SLC1A3: variants seen among roughly 807,000 people sequenced by gnomAD.
SLC1A3 encodes excitatory amino acid transporter 1.
A neutral mutation model predicts 48.1 loss-of-function variants in SLC1A3; 21 were observed. The observed-to-expected ratio is 0.44, with a 90% CI of 0.31 to 0.63. The LOEUF (loss-of-function observed/expected upper bound fraction) is 0.63. Ranked by LOEUF, SLC1A3 falls within the 20% of genes least tolerant of loss-of-function variation. SLC1A3 has a pLI of 0.08. For missense variants in SLC1A3, 546 were observed against 689.0 expected (o/e 0.79, Z 2.32); for synonymous variants, 239 against 251.4 (o/e 0.95, Z 0.47).
In SLC1A3 at chr5:36,674,056, T is replaced by G; in HGVS notation, c.532T>G (p.Phe178Val). Residue 178 changes from phenylalanine (F) to valine (V), a missense_variant, in exon 5 of 10, where the codon TTC becomes GTC. This residue lies in a region of SLC1A3 where 348 missense variants were observed against 392.0 expected (regional missense o/e 0.89). Transcript: ENST00000265113. Reference sequence around the variant, plus strand: ...CTATTACTTTCTTTGCAGGAACATGTTCCCTCCAAATCTGGTAGAAGCCTG... The same window carrying G: ...CTATTACTTTCTTTGCAGGAACATGGTCCCTCCAAATCTGGTAGAAGCCTG... ...DAFLDLIRNM[F>V]PPNLVEACFK... 6.8e-6 allele frequency: 11 copies of G among 1,613,268 alleles called. No individual in the cohort carries two copies. Among genetic ancestry groups the G allele is most frequent in the Non-Finnish European group, 9.3e-6 (11 of 1,179,294 alleles).
In SLC1A3 at chr5:36,629,480, A is replaced by G. The variant is rs573483474; in HGVS notation, c.212A>G (p.Tyr71Cys). 1.2e-5 allele frequency: 20 copies of G among 1,609,412 alleles called. No individual in the cohort carries two copies. In the Middle Eastern group the frequency reaches 5.0e-4, roughly 40 times the overall value. Residue 71 changes from tyrosine (Y) to cysteine (C), a missense_variant, in exon 3 of 10, where the codon TAC becomes TGC. By Grantham distance (194) the Tyr-to-Cys change is radical (BLOSUM62 -2). This residue lies in a region of SLC1A3 where 348 missense variants were observed against 392.0 expected (regional missense o/e 0.89). Coordinates refer to ENST00000265113, the MANE Select transcript of SLC1A3 (RefSeq NM_004172.5). ...ATCCTTGGATTTACCCTCCGACCAT[A>G]CAGAATGAGCTACCGGGAAGTCAAG... is the stretch of plus-strand genomic sequence containing the variant. Reference protein sequence around the residue: ...GTILGFTLRPYRMSYREVKYF... With the variant: ...GTILGFTLRPCRMSYREVKYF...
intron 3 of SLC1A3, among the ~76,000 whole-genome samples, chr5:36,664,940 G>A (rs1223995740): frequency 6.6e-6 from 1 of 152,154 alleles, no homozygotes; most frequent in Non-Finnish European, 1.5e-5. Flanking sequence ...AGTAATAAGT[G>A]GAAGTTTTCC....
chr5:36,685,132 C>T (rs1171333482), intron 9 of SLC1A3, among the ~76,000 whole-genome samples: 1 of 152,092 alleles, frequency 6.6e-6, no homozygotes, highest in African/African-American at 2.4e-5. Context: ...TAATTTATTA[C>T]ATGTTTTATT....
At chr5:36,678,145 G>T (rs980572547) in intron 6 of SLC1A3, among the ~76,000 whole-genome samples, 8 of 152,134 alleles carry the variant, frequency 5.3e-5, no homozygotes, top group African/African-American at 1.4e-4. Flanking sequence ...GGTACCTGAG[G>T]CAGGAAAGCA....
intron 3 of SLC1A3, among the ~76,000 whole-genome samples, chr5:36,663,379 C>CTA (rs1741594537): frequency 1.4e-5 from 1 of 70,186 alleles, no homozygotes; most frequent in Non-Finnish European, 3.1e-5. Context: ...CCACGCCCGG[C>CTA]ATTTTTTTTT....
At chr5:36,629,040 T>C (rs929819789) in intron 2 of SLC1A3, among the ~76,000 whole-genome samples, 1 of 152,248 alleles carries the variant, frequency 6.6e-6, no homozygotes, top group African/African-American at 2.4e-5. Context: ...TTAGCAATTC[T>C]AACATCTGTT....
intron 2 of SLC1A3, chr5:36,609,314 C>G (rs1052100623): frequency 1.8e-5 from 16 of 894,212 alleles, no homozygotes; most frequent in Non-Finnish European, 2.1e-5. Context: ...TAGTTTATTA[C>G]TTATGGGTGG....
chr5:36,642,906 A>G (rs1740677601), intron 3 of SLC1A3, among the ~76,000 whole-genome samples: 1 of 152,150 alleles, frequency 6.6e-6, no homozygotes, highest in Non-Finnish European at 1.5e-5. Context: ...GTTCCTTTTT[A>G]TAGCTGAATA....
chr5:36,620,993 C>T (rs1360980713), intron 2 of SLC1A3, among the ~76,000 whole-genome samples: 1 of 151,952 alleles, frequency 6.6e-6, no homozygotes, highest in Non-Finnish European at 1.5e-5. Flanking sequence ...ACAACCTCCA[C>T]CTCCCAGGTT....
chr5:36,633,002 G>A (rs1359055234), intron 3 of SLC1A3, among the ~76,000 whole-genome samples: 2 of 152,294 alleles, frequency 1.3e-5, no homozygotes. Flanking sequence ...TGGACAAGAA[G>A]ACTATGTCTG....
chr5:36,620,786 C>G (rs1345306656), intron 2 of SLC1A3, among the ~76,000 whole-genome samples: 1 of 152,016 alleles, frequency 6.6e-6, no homozygotes, highest in Non-Finnish European at 1.5e-5. Context: ...AAACAACAAG[C>G]ATAATAAATA....
At position 36,627,658 on chromosome 5, in the gene SLC1A3, T is replaced by C. The variant is rs1864212; in HGVS notation, c.182-1792T>C. ...CTGATATCAGGAGACCTAAAAGTGA[T>C]GTTTATGGGGACCGTATATGGAAAA... On this transcript the variant is annotated intron_variant, in intron 2 of 9. Transcript: ENST00000265113. Among the ~76,000 whole-genome samples, 717 of 152,314 alleles carry C rather than the reference T, an allele frequency of 4.7e-3. 6 individuals are homozygous for C. Among genetic ancestry groups the C allele is most frequent in the African/African-American group, 0.017 (693 of 41,562 alleles).
rs973458843 is a variant in SLC1A3, at chr5:36,670,836, G to A, written c.320-193G>A. ...CTGCATGTTCACTGACACTGCTGAT[G>A]CCTCACCATTCTAGCCTCGGCCTTT... On this transcript the variant is annotated intron_variant, in intron 3 of 9. Coordinates refer to ENST00000265113, the MANE Select transcript of SLC1A3 (RefSeq NM_004172.5). The A allele has an allele frequency of 1.7e-4, 105 of 631,532 alleles. No individual in the cohort carries two copies. The Admixed American group carries it at 2.3e-3, about 14-fold the overall frequency. The allele number at this position is 631,532 out of a possible 1,614,324, so 39.1% of individuals were successfully genotyped here.
In SLC1A3 at chr5:36,608,567, T is replaced by C. The variant is rs758178100; in HGVS notation, c.144T>C (p.Asn48=). The change falls in exon 2 of 10, where the codon AAT becomes AAC. Residue 48 remains asparagine (N), a synonymous_variant. Transcript: ENST00000265113. ...KEDVKSYLFR[N]AFVLLTVTAV... ...ATGTTAAAAGTTACCTGTTTCGGAA[T>C]GCTTTTGTGCTGCTCACAGTCACCG... 2.5e-6 allele frequency: 4 copies of C among 1,614,066 alleles called. No homozygotes were observed. Among genetic ancestry groups the C allele is most frequent in the South Asian group, 1.1e-5 (1 of 91,084 alleles).
At chr5:36,678,499 T>C (rs911999633) in intron 6 of SLC1A3, among the ~76,000 whole-genome samples, 1 of 152,240 alleles carries the variant, frequency 6.6e-6, no homozygotes, top group African/African-American at 2.4e-5. Context: ...GTTATTATAT[T>C]TCTGAAAACA....
chr5:36,604,903 C>T (rs898608144), upstream of SLC1A3, among the ~76,000 whole-genome samples: 2 of 27,316 alleles, frequency 7.3e-5, no homozygotes, highest in South Asian at 9.1e-4. Context: ...AAAAAAAAAG[C>T]GGTGGGGGGG....
intron 2 of SLC1A3, among the ~76,000 whole-genome samples, chr5:36,624,322 G>A (rs1253559964): frequency 6.6e-6 from 1 of 152,234 alleles, no homozygotes; most frequent in African/African-American, 2.4e-5. Flanking sequence ...CCTTCAGTCA[G>A]TACCATGGCT....
rs1322352852 is a variant in SLC1A3, at chr5:36,651,935, G to A, written c.320-19094G>A. 4.6e-5 allele frequency among the ~76,000 whole-genome samples: 7 copies of A among 152,304 alleles called. No homozygotes were observed. In the East Asian group the frequency reaches 1.2e-3, roughly 25 times the overall value. On this transcript the variant is annotated intron_variant, in intron 3 of 9. Transcript: ENST00000265113. The stretch of plus-strand genomic sequence containing the variant: ...CCGAGGGTCAAAGTTCCAAGGTCCT[G>A]AAAGTATTACACTGCTTCCCTGAGC...
intron 3 of SLC1A3, among the ~76,000 whole-genome samples, chr5:36,667,096 GTTA>G (rs1421663195): frequency 1.3e-5 from 2 of 152,166 alleles, no homozygotes; most frequent in Non-Finnish European, 2.9e-5. Context: ...TTGATAAGTG[GTTA>G]TTTATGGGTA....
Sources: gnomAD v4.1 joint callset for allele counts (sites outside exome capture counted in the v4.1 genomes callset) on GRCh38, gnomAD v4.1.1 for gene constraint, gnomAD v4.1.1 regional missense constraint, MANE v1.5 for transcripts, NCBI Gene and HGNC (gene_info 2026-07-23, HGNC 2026-07-21) for gene names.